Variants in TMEM229B observed in about 807,000 individuals in gnomAD.
The protein encoded by TMEM229B is transmembrane protein 229B.
Under a neutral mutation model 13.7 loss-of-function variants are expected in TMEM229B, and 6 were observed. The observed-to-expected ratio is 0.44, with a 90% CI of 0.24 to 0.86. The LOEUF (loss-of-function observed/expected upper bound fraction) is 0.86. Ranked by LOEUF, TMEM229B falls within the 40% of genes least tolerant of loss-of-function variation. TMEM229B has a pLI of 0.23. For synonymous variants in TMEM229B, 107 were observed against 102.1 expected (o/e 1.05, Z -0.29); for missense variants, 170 against 236.0 (o/e 0.72, Z 1.83).
upstream of TMEM229B, among the ~76,000 whole-genome samples, chr14:67,518,456 A>T (rs1470206123): frequency 6.6e-6 from 1 of 152,238 alleles, no homozygotes; most frequent in Non-Finnish European, 1.5e-5. Context: ...AGTATAATAC[A>T]CAGGTAATAA....
chr14:67,504,529 C>T (rs1300903521), intron 1 of TMEM229B, among the ~76,000 whole-genome samples: 1 of 151,980 alleles, frequency 6.6e-6, no homozygotes, highest in African/African-American at 2.4e-5. Context: ...AAATCATGGG[C>T]TTATTGTGAC....
intron 1 of TMEM229B, among the ~76,000 whole-genome samples, chr14:67,503,194 G>A (rs559431862): frequency 2.0e-5 from 3 of 152,288 alleles, no homozygotes; most frequent in South Asian, 4.1e-4. Flanking sequence ...ATGACAAGAG[G>A]AGTTAAAAGA....
intron 2 of TMEM229B, among the ~76,000 whole-genome samples, chr14:67,485,684 G>A (rs970386872): frequency 1.3e-5 from 2 of 152,236 alleles, no homozygotes; most frequent in African/African-American, 4.8e-5. Flanking sequence ...ACAGGCCTCT[G>A]GGGGTTGGGA....
rs1361111270 is a variant in TMEM229B at position 67,473,436 on chromosome 14, T to G, written c.488A>C (p.His163Pro). ...GCTTCCTGCTCAGTCAGTCTTGACA[T>G]GGCCGTTGGCCAGGGCTAGGGCGCC... is the stretch of plus-strand genomic sequence containing the variant. ...PSGALALANG[H>P]VKTD The change falls in exon 3 of 3, where the codon CAT becomes CCT. Residue 163 changes from histidine to proline, a missense_variant. By Grantham distance (77) the His-to-Pro change is moderately conservative (BLOSUM62 -2). Transcript: ENST00000554480. The surrounding 1 kb of genome is among the most constrained non-coding windows in gnomAD (Gnocchi z 6.5). 2 of 1,614,050 alleles carry G rather than the reference T, an allele frequency of 1.2e-6. No homozygotes were observed. Among genetic ancestry groups the G allele is most frequent in the Non-Finnish European group, 1.7e-6 (2 of 1,180,004 alleles).
rs527747350 is a variant in TMEM229B, at chr14:67,504,655, G to A, written c.-192+10431C>T. Among the ~76,000 whole-genome samples, 4 of 152,308 alleles carry A rather than the reference G, an allele frequency of 2.6e-5. No individual in the cohort carries two copies. In the South Asian group the frequency reaches 6.2e-4, roughly 24 times the overall value. ...TAATCCCAGCACTTTGGGAGGCCGAGGTGGGTGGATCACGAGGTCAGGAGT... is the reference window on the plus strand; with the variant it reads ...TAATCCCAGCACTTTGGGAGGCCGAAGTGGGTGGATCACGAGGTCAGGAGT... On this transcript the variant is annotated intron_variant, in intron 1 of 2. Coordinates refer to the TMEM229B transcript ENST00000357461.
chr14:67,493,152 G>A (rs546032821), upstream of TMEM229B, among the ~76,000 whole-genome samples: 1 of 152,326 alleles, frequency 6.6e-6, no homozygotes, highest in East Asian at 1.9e-4. Context: ...TTGAGAAACA[G>A]CAAGGCCAGA....
intron 1 of TMEM229B, among the ~76,000 whole-genome samples, chr14:67,499,212 C>T (rs2032511632): frequency 6.6e-6 from 1 of 152,046 alleles, no homozygotes; most frequent in African/African-American, 2.4e-5. Flanking sequence ...CTATGTTGCT[C>T]AGGCTGGTCT....
intron 1 of TMEM229B, among the ~76,000 whole-genome samples, chr14:67,529,418 T>C (rs544527421): frequency 2.2e-4 from 34 of 152,322 alleles, no homozygotes; most frequent in Admixed American, 4.6e-4. Context: ...CTTTCCTTCC[T>C]AGCACAGTGG....
At chr14:67,478,176 C>T (rs1312368878) in intron 2 of TMEM229B, among the ~76,000 whole-genome samples, 10 of 152,360 alleles carry the variant, frequency 6.6e-5, no homozygotes, top group Middle Eastern at 3.4e-3. Context: ...CATCCTCCTC[C>T]GGGGCCCAGT....
intron 1 of TMEM229B, among the ~76,000 whole-genome samples, chr14:67,528,052 C>T (rs538528295): frequency 6.6e-6 from 1 of 152,308 alleles, no homozygotes; most frequent in South Asian, 2.1e-4. Context: ...TGTATGAACA[C>T]AGGACCTCTC....
At chr14:67,514,701 T>C (rs549007390) in intron 1 of TMEM229B, among the ~76,000 whole-genome samples, 6 of 152,098 alleles carry the variant, frequency 3.9e-5, no homozygotes, top group Admixed American at 3.9e-4. Flanking sequence ...GGTGGCCTCC[T>C]GGGTGCTCTC....
chr14:67,510,960 C>T (rs751041437), intron 1 of TMEM229B, among the ~76,000 whole-genome samples: 2 of 152,154 alleles, frequency 1.3e-5, no homozygotes, highest in Non-Finnish European at 2.9e-5. Flanking sequence ...TATCTTGAAG[C>T]ATGAATCACC....
At chr14:67,484,474 T>C (rs2031760622) in intron 2 of TMEM229B, among the ~76,000 whole-genome samples, 1 of 152,244 alleles carries the variant, frequency 6.6e-6, no homozygotes, top group African/African-American at 2.4e-5. Context: ...AAAAGCAACA[T>C]GTGCTCACAG....
chr14:67,532,577 C>A (rs1377195325), intron 1 of TMEM229B, among the ~76,000 whole-genome samples: 1 of 152,112 alleles, frequency 6.6e-6, no homozygotes, highest in Non-Finnish European at 1.5e-5. Flanking sequence ...TCCTCCTGGG[C>A]CCTCCTTTAA....
intron 1 of TMEM229B, among the ~76,000 whole-genome samples, chr14:67,521,432 G>C (rs2033289391): frequency 1.3e-5 from 2 of 152,206 alleles, no homozygotes; most frequent in Admixed American, 1.3e-4. Flanking sequence ...AGTCCTGTGG[G>C]TTTATCAGAA....
At position 67,472,202 on chromosome 14, in the gene TMEM229B, C is replaced by G. The variant is rs1279651637; in HGVS notation, c.*1218G>C. ...CTCTGGCAGAACCAGAACTGATACCCTCCCACAAAGGAGGCTCCAAGGAGC... is the reference window on the plus strand; with the variant it reads ...CTCTGGCAGAACCAGAACTGATACCGTCCCACAAAGGAGGCTCCAAGGAGC... On this transcript the variant is annotated 3_prime_UTR_variant, in exon 3 of 3. Transcript: ENST00000554480. The G allele has an allele frequency of 6.6e-6, 1 of 152,326 alleles. No individual in the cohort carries two copies. The highest frequency in any genetic ancestry group is 1.5e-5 in the Non-Finnish European group (1 of 68,096). 9.4% of individuals were successfully genotyped at this position (152,326 alleles called of 1,614,324 possible). A position where few individuals can be genotyped will look rare whatever the true frequency, so the allele number is the denominator to read the frequency against.
chr14:67,518,293 C>T (rs1281803612), upstream of TMEM229B, among the ~76,000 whole-genome samples: 1 of 152,202 alleles, frequency 6.6e-6, no homozygotes, highest in African/African-American at 2.4e-5. Flanking sequence ...GACTCTCCAT[C>T]CTAGTTGGAT....
upstream of TMEM229B, among the ~76,000 whole-genome samples, chr14:67,489,076 TC>T (rs2032044737): frequency 6.6e-6 from 1 of 152,176 alleles, no homozygotes; most frequent in Non-Finnish European, 1.5e-5. Context: ...AACCAGAGTT[TC>T]TTGGAACATA....
rs370426762 is a variant in TMEM229B at position 67,501,450 on chromosome 14, G to A, written c.-192+13636C>T. On this transcript the variant is annotated intron_variant, in intron 1 of 2. Transcript: ENST00000357461. ...CATGATCATAGGTCACTGCAGCCTC[G>A]ACCTCCTGGGCTCAAGTGATCCTCC... 1.1e-3 allele frequency among the ~76,000 whole-genome samples: 172 copies of A among 152,138 alleles called. 2 individuals are homozygous for A. Among genetic ancestry groups the A allele is most frequent in the Non-Finnish European group, 1.5e-3 (104 of 68,012 alleles).
Sources: allele counts gnomAD v4.1 joint callset (sites outside exome capture counted in the v4.1 genomes callset), GRCh38; gene constraint gnomAD v4.1.1; non-coding constraint Gnocchi (gnomAD v3.1); transcripts MANE v1.5; gene names NCBI Gene and HGNC (gene_info 2026-07-23, HGNC 2026-07-21).